The following SNTB1 variants were observed in gnomAD, a reference collection of about 807,000 sequenced individuals.
SNTB1 encodes beta-1-syntrophin.
A neutral mutation model predicts 48.9 loss-of-function variants in SNTB1; 36 were observed. The ratio of observed to expected loss-of-function variants is 0.74; its 90% CI spans 0.56 to 0.97. The LOEUF (loss-of-function observed/expected upper bound fraction) is 0.97, where lower values mean the gene tolerates loss of function less well. SNTB1 is among the 50% of genes least tolerant of loss of function. The pLI, the probability that SNTB1 is intolerant of heterozygous loss-of-function variation, is 0.00. For missense variants in SNTB1, 786 were observed against 703.4 expected, an observed-to-expected ratio of 1.12 and a Z score of -1.33; for synonymous variants, 299 against 294.6, an observed-to-expected ratio of 1.01 and a Z score of -0.15.
At chr8:120,748,277 G>A (rs61396577) in intron 1 of SNTB1, among the ~76,000 whole-genome samples, 4,453 of 152,264 alleles carry the variant, frequency 0.029, 208 homozygotes, top group African/African-American at 0.1. Context: ...TTGTTTTGGA[G>A]TGGGTTTTTT....
intron 3 of SNTB1, among the ~76,000 whole-genome samples, chr8:120,582,972 C>A (rs1192380205): frequency 6.6e-6 from 1 of 152,144 alleles, no homozygotes; most frequent in African/African-American, 2.4e-5. Context: ...ACATAGTCTG[C>A]AGATATTAAA....
intron 1 of SNTB1, among the ~76,000 whole-genome samples, chr8:120,802,008 C>T (rs10113236): frequency 3.3e-5 from 5 of 152,066 alleles, no homozygotes; most frequent in African/African-American, 1.2e-4. Context: ...GGTGTCCCAA[C>T]TTTAAGCAAT....
chr8:120,808,048 G>A (rs919017618), intron 1 of SNTB1, among the ~76,000 whole-genome samples: 2 of 152,054 alleles, frequency 1.3e-5, no homozygotes, highest in African/African-American at 2.4e-5. Flanking sequence ...CCCAGTAGCT[G>A]AGGTTACAGG....
chr8:120,581,433 G>A (rs759617521), intron 3 of SNTB1, among the ~76,000 whole-genome samples: 7 of 151,594 alleles, frequency 4.6e-5, no homozygotes, highest in African/African-American at 1.5e-4. Flanking sequence ...GTGAAAACTC[G>A]TCTCTACTAA....
At chr8:120,613,418 T>C (rs1487605616) in intron 3 of SNTB1, among the ~76,000 whole-genome samples, 3 of 151,832 alleles carry the variant, frequency 2.0e-5, no homozygotes, top group Non-Finnish European at 4.4e-5. Context: ...CTGGGAAAGA[T>C]AGTAGAATGG....
At chr8:120,790,841 A>G (rs2130152472) in intron 1 of SNTB1, among the ~76,000 whole-genome samples, 1 of 151,982 alleles carries the variant, frequency 6.6e-6, no homozygotes, top group South Asian at 2.1e-4. Flanking sequence ...ATTCAATTCA[A>G]TTTCTATCAA....
chr8:120,745,034 T>C lies in SNTB1; in HGVS notation c.572-51126A>G, dbSNP rs546237830. ...TGTGGGCTTCATTAACCAGTCTTGC[T>C]TGTCCTCTGACTTCTATTTGGTGCA... On this transcript the variant is annotated intron_variant, in intron 1 of 6. Coordinates refer to ENST00000517992, the MANE Select transcript of SNTB1 (RefSeq NM_021021.4). Among the ~76,000 whole-genome samples, 13 of 152,236 alleles carry C rather than the reference T, an allele frequency of 8.5e-5. 1 individual carries two copies. In the South Asian group the frequency reaches 2.7e-3, roughly 32 times the overall value.
intron 1 of SNTB1, among the ~76,000 whole-genome samples, chr8:120,742,061 T>G (rs909371262): frequency 2.6e-5 from 4 of 152,192 alleles, no homozygotes; most frequent in African/African-American, 9.7e-5. Context: ...CCATAGGGGA[T>G]GGGCAGGTAG....
chr8:120,752,989 A>AG (rs1819249363), intron 1 of SNTB1, among the ~76,000 whole-genome samples: 1 of 106,866 alleles, frequency 9.4e-6, no homozygotes, highest in South Asian at 3.0e-4. Flanking sequence ...AGCTGGAAGA[A>AG]AAAAAAAAAA....
At chr8:120,579,213 CAA>C (rs1491400232) in intron 3 of SNTB1, among the ~76,000 whole-genome samples, 2 of 143,852 alleles carry the variant, frequency 1.4e-5, no homozygotes, top group African/African-American at 5.4e-5. Flanking sequence ...AACAAACAAA[CAA>C]AGAGCAAACA....
chr8:120,647,481 T>G (rs1307624200), intron 2 of SNTB1, among the ~76,000 whole-genome samples: 1 of 149,332 alleles, frequency 6.7e-6, no homozygotes, highest in Non-Finnish European at 1.5e-5. Context: ...CGGTTTTGAG[T>G]GAGTTTCTTA....
chr8:120,779,010 C>T (rs1819785835), intron 1 of SNTB1, among the ~76,000 whole-genome samples: 1 of 151,950 alleles, frequency 6.6e-6, no homozygotes, highest in Non-Finnish European at 1.5e-5. Flanking sequence ...ATTTATCAGG[C>T]CTCTGCAGTA....
intron 2 of SNTB1, among the ~76,000 whole-genome samples, chr8:120,669,073 G>C (rs1162032469): frequency 6.6e-6 from 1 of 152,144 alleles, no homozygotes; most frequent in Non-Finnish European, 1.5e-5. Flanking sequence ...ATCTCCATGG[G>C]GGCTCCAGCT....
chr8:120,675,817 T>C (rs963138225), intron 2 of SNTB1, among the ~76,000 whole-genome samples: 10 of 152,224 alleles, frequency 6.6e-5, no homozygotes, highest in Non-Finnish European at 1.2e-4. Context: ...GAGTTTCCTT[T>C]AAAATCTTAT....
intron 1 of SNTB1, among the ~76,000 whole-genome samples, chr8:120,709,814 G>A (rs1241396156): frequency 6.6e-6 from 1 of 151,944 alleles, no homozygotes; most frequent in Non-Finnish European, 1.5e-5. Flanking sequence ...AGTTCTCTAA[G>A]CCTGAGATTT....
At chr8:120,592,649 T>C (rs534955300) in intron 3 of SNTB1, among the ~76,000 whole-genome samples, 2 of 152,276 alleles carry the variant, frequency 1.3e-5, no homozygotes, top group African/African-American at 4.8e-5. Flanking sequence ...AGACAAGCTT[T>C]CCCTCAGATG....
At chr8:120,593,667 A>G (rs1816278856) in intron 3 of SNTB1, among the ~76,000 whole-genome samples, 1 of 152,226 alleles carries the variant, frequency 6.6e-6, no homozygotes, top group Non-Finnish European at 1.5e-5. Context: ...AGAAGGGACA[A>G]ATCATTAGGC....
chr8:120,554,758 G>A (rs1363696148), intron 4 of SNTB1, among the ~76,000 whole-genome samples: 1 of 152,106 alleles, frequency 6.6e-6, no homozygotes, highest in African/African-American at 2.4e-5. Context: ...ACTGATCCAC[G>A]TGGGATGAAA....
intron 1 of SNTB1, among the ~76,000 whole-genome samples, chr8:120,735,316 A>G (rs996393881): frequency 4.6e-5 from 7 of 152,168 alleles, no homozygotes; most frequent in African/African-American, 1.7e-4. Context: ...ACAAGACACC[A>G]AAGAAACCAA....
Sources: gnomAD v4.1 joint callset for allele counts (sites outside exome capture counted in the v4.1 genomes callset) on GRCh38, gnomAD v4.1.1 for gene constraint, MANE v1.5 for transcripts, NCBI Gene and HGNC (gene_info 2026-07-23, HGNC 2026-07-21) for gene names.